The following KPNA6 variants were observed in gnomAD, a reference collection of about 807,000 sequenced individuals.
The protein encoded by KPNA6 is importin subunit alpha-7.
KPNA6 carries 9 observed loss-of-function variants against 72.0 expected under a neutral mutation model. That is an observed-to-expected ratio of 0.13 (90% CI 0.08 to 0.22). KPNA6 has a LOEUF of 0.22. KPNA6 is among the 10% of genes least tolerant of loss of function. KPNA6 has a pLI of 1.00. For missense variants in KPNA6, 374 were observed against 655.7 expected (o/e 0.57, Z 4.69); for synonymous variants, 219 against 242.1 (o/e 0.90, Z 0.89).
intron 6 of KPNA6, 22 bp from the exon 7 acceptor site, chr1:32,160,593 A>G (rs1227119323): frequency 5.0e-6 from 8 of 1,597,458 alleles, no homozygotes; most frequent in African/African-American, 1.3e-5. Context: ...TGTGGGTGAC[A>G]GTTTCATTAT....
intron 1 of KPNA6, among the ~76,000 whole-genome samples, chr1:32,150,648 G>A (rs1287552393): frequency 4.6e-5 from 7 of 151,726 alleles, no homozygotes; most frequent in African/African-American, 1.5e-4. Flanking sequence ...TTCATTTGGA[G>A]ACAGAGTCTC....
chr1:32,110,580 G>A (rs1641229418), intron 1 of KPNA6, among the ~76,000 whole-genome samples: 2 of 152,262 alleles, frequency 1.3e-5, no homozygotes, highest in South Asian at 2.1e-4. Context: ...GGGTGGGGCT[G>A]TGTTATCAAG....
intron 7 of KPNA6, among the ~76,000 whole-genome samples, chr1:32,161,686 T>C (rs773082343): frequency 2.0e-5 from 3 of 152,214 alleles, no homozygotes; most frequent in African/African-American, 2.4e-5. Context: ...TTAGAAGCTT[T>C]ACAGGCTTAC....
At chr1:32,125,646 CT>C (rs11295564) in intron 1 of KPNA6, among the ~76,000 whole-genome samples, 19,626 of 152,140 alleles carry the variant, frequency 0.13, 1,692 homozygotes, top group South Asian at 0.25. Context: ...ATTCTAACGT[CT>C]TAACTTTTTT....
chr1:32,151,015 C>G (rs540727639), intron 1 of KPNA6, among the ~76,000 whole-genome samples: 6 of 152,084 alleles, frequency 3.9e-5, no homozygotes, highest in East Asian at 1.9e-4. Flanking sequence ...TTGAAGAACT[C>G]CTAGGTTCTT....
At chr1:32,114,948 A>G (rs1641302391) in intron 1 of KPNA6, among the ~76,000 whole-genome samples, 1 of 151,692 alleles carries the variant, frequency 6.6e-6, no homozygotes, top group Admixed American at 6.6e-5. Flanking sequence ...TCAAGTAATT[A>G]TGGTGCCTCA....
chr1:32,148,410 G>A (rs1641969278), intron 1 of KPNA6, among the ~76,000 whole-genome samples: 2 of 151,814 alleles, frequency 1.3e-5, no homozygotes, highest in South Asian at 2.1e-4. Flanking sequence ...TCCCAAATGT[G>A]TATATCTTCA....
chr1:32,123,251 TC>T (rs1435540956), intron 1 of KPNA6, among the ~76,000 whole-genome samples: 1 of 152,132 alleles, frequency 6.6e-6, no homozygotes, highest in East Asian at 1.9e-4. Flanking sequence ...ATCCAGTGTT[TC>T]CGGGCGTGGT....
At chr1:32,123,196 T>C (rs1478147367) in intron 1 of KPNA6, among the ~76,000 whole-genome samples, 1 of 152,156 alleles carries the variant, frequency 6.6e-6, no homozygotes, top group Non-Finnish European at 1.5e-5. Flanking sequence ...ATTATTCCCA[T>C]GTTTCTGGGT....
At chr1:32,135,144 C>G (rs753985180) in intron 1 of KPNA6, among the ~76,000 whole-genome samples, 7 of 152,002 alleles carry the variant, frequency 4.6e-5, no homozygotes, top group Non-Finnish European at 8.8e-5. Flanking sequence ...CTCAGCTCAC[C>G]GCAACCTCCA....
chr1:32,113,810 C>T (rs139166400), intron 1 of KPNA6, among the ~76,000 whole-genome samples: 14 of 152,254 alleles, frequency 9.2e-5, no homozygotes, highest in Non-Finnish European at 1.9e-4. Context: ...CATTTGTTTG[C>T]CCACCCGTAA....
At chr1:32,125,993 A>C (rs1275175628) in intron 1 of KPNA6, among the ~76,000 whole-genome samples, 9 of 151,374 alleles carry the variant, frequency 5.9e-5, no homozygotes, top group Non-Finnish European at 8.8e-5. Flanking sequence ...AAAAAAAAAA[A>C]AAAAAAAACC....
At chr1:32,118,537 G>T (rs899010029) in intron 1 of KPNA6, among the ~76,000 whole-genome samples, 1 of 151,878 alleles carries the variant, frequency 6.6e-6, no homozygotes, top group African/African-American at 2.4e-5. Flanking sequence ...GCTCACACTT[G>T]TATTCCTAGC....
chr1:32,114,816 T>C (rs1001153183), intron 1 of KPNA6, among the ~76,000 whole-genome samples: 5 of 152,238 alleles, frequency 3.3e-5, no homozygotes, highest in Non-Finnish European at 7.3e-5. Context: ...TAACTTGCTG[T>C]AGCTTCTGCA....
At chr1:32,125,152 A>T (rs1165741364) in intron 1 of KPNA6, among the ~76,000 whole-genome samples, 1 of 152,188 alleles carries the variant, frequency 6.6e-6, no homozygotes, top group Non-Finnish European at 1.5e-5. Context: ...GTCTTAACTT[A>T]ATTTTTATGG....
At chr1:32,160,367 G>A (rs975574901) in intron 6 of KPNA6, among the ~76,000 whole-genome samples, 1 of 152,004 alleles carries the variant, frequency 6.6e-6, no homozygotes, top group Non-Finnish European at 1.5e-5. Flanking sequence ...TATTGTTTTG[G>A]CTTCTGTGGC....
At chr1:32,124,227 G>A (rs774589439) in intron 1 of KPNA6, among the ~76,000 whole-genome samples, 1 of 151,856 alleles carries the variant, frequency 6.6e-6, no homozygotes, top group Non-Finnish European at 1.5e-5. Flanking sequence ...ACAGTAATTA[G>A]CGGTGTGTAG....
chr1:32,133,306 T>C lies in KPNA6; in HGVS notation c.5-21282T>C, dbSNP rs896407725. Among the ~76,000 whole-genome samples the C allele has an allele frequency of 2.0e-5, 3 of 151,764 alleles. No homozygotes were observed. The East Asian group carries it at 5.9e-4, about 30-fold the overall frequency. On this transcript the variant is annotated intron_variant, in intron 1 of 13. Coordinates refer to ENST00000373625, the MANE Select transcript of KPNA6 (RefSeq NM_012316.5). ...CGGCAGTGAGCCATGATTGCACCAC[T>C]GCACTGCAGCCTCGGTGACAGAGCA...
intron 12 of KPNA6, among the ~76,000 whole-genome samples, chr1:32,167,641 C>T (rs1305776878): frequency 6.6e-6 from 1 of 151,964 alleles, no homozygotes; most frequent in East Asian, 1.9e-4. Flanking sequence ...GAAGGGGAAC[C>T]GTACTATGGG....
Sources: allele counts gnomAD v4.1 joint callset (sites outside exome capture counted in the v4.1 genomes callset), GRCh38; gene constraint gnomAD v4.1.1; transcripts MANE v1.5; gene names NCBI Gene and HGNC (gene_info 2026-07-23, HGNC 2026-07-21).